CSMD3: variants seen among roughly 807,000 people sequenced by gnomAD.
CSMD3 encodes CUB and Sushi multiple domains 3.
Under a neutral mutation model 435.2 loss-of-function variants are expected in CSMD3, and 177 were observed. The ratio of observed to expected loss-of-function variants is 0.41; its 90% CI spans 0.36 to 0.46. CSMD3 has a LOEUF of 0.46. CSMD3 is among the 20% of genes least tolerant of loss of function. The pLI is 0.34. For missense variants in CSMD3, 4,265 were observed against 4,504.6 expected, an observed-to-expected ratio of 0.95 and a Z score of 1.52; for synonymous variants, 1,656 against 1,520.5, an observed-to-expected ratio of 1.09 and a Z score of -2.07.
At chr8:112,703,666 C>G (rs1375560146) in intron 13 of CSMD3, among the ~76,000 whole-genome samples, 1 of 152,114 alleles carries the variant, frequency 6.6e-6, no homozygotes, top group East Asian at 1.9e-4. Context: ...ATCTGTAAAA[C>G]TTGCAGTTTT....
rs546210959 is a variant in CSMD3 at position 113,040,040 on chromosome 8, T to C, written c.918-20861A>G. 2.0e-5 allele frequency among the ~76,000 whole-genome samples: 3 copies of C among 152,234 alleles called. No homozygotes were observed. In the South Asian group the frequency reaches 6.2e-4, roughly 32 times the overall value. ...AAGTACACAGCATGCCAGGTAGTGA[T>C]AAGCTCTACAAATGAAACTAAGTGG... is the stretch of plus-strand genomic sequence containing the variant. On this transcript the variant is annotated intron_variant, in intron 5 of 70. Coordinates refer to ENST00000297405, the MANE Select transcript of CSMD3 (RefSeq NM_198123.2).
chr8:113,359,055 A>T (rs1053114815), intron 1 of CSMD3, among the ~76,000 whole-genome samples: 3 of 151,950 alleles, frequency 2.0e-5, no homozygotes, highest in African/African-American at 7.2e-5. Flanking sequence ...GTAAAAAAAA[A>T]ATCTGTGAAT....
At chr8:113,273,000 G>T (rs2093541398) in intron 3 of CSMD3, among the ~76,000 whole-genome samples, 1 of 152,006 alleles carries the variant, frequency 6.6e-6, no homozygotes, top group Admixed American at 6.6e-5. Context: ...AATAACTAGT[G>T]AAGTGAATTT....
chr8:112,647,034 G>T (rs1024851962), intron 19 of CSMD3, among the ~76,000 whole-genome samples: 4 of 152,042 alleles, frequency 2.6e-5, no homozygotes, highest in Non-Finnish European at 5.9e-5. Context: ...TGAGAAAAAT[G>T]CTGTAATTAT....
At chr8:113,019,809 C>A (rs1160010984) in intron 5 of CSMD3, among the ~76,000 whole-genome samples, 1 of 152,004 alleles carries the variant, frequency 6.6e-6, no homozygotes, top group African/African-American at 2.4e-5. Context: ...TTTCATAGAA[C>A]AAGCATTGCT....
In CSMD3 at chr8:112,306,286, C is replaced by T. The variant is rs374287267; in HGVS notation, c.7886-94G>A. 1.2e-4 allele frequency: 110 copies of T among 896,184 alleles called. 1 individual carries two copies. The highest frequency in any genetic ancestry group is 1.1e-3 in the East Asian group (41 of 38,228). The allele number at this position is 896,184 out of a possible 1,614,324, so 55.5% of individuals were successfully genotyped here. A position where few individuals can be genotyped will look rare whatever the true frequency, so the allele number is the denominator to read the frequency against. On this transcript the variant is annotated intron_variant, in intron 50 of 70. Transcript: ENST00000297405. Reference sequence around the variant, plus strand: ...TGAACTGTAAAACATGCAAAACTAACGGGGATTTTTATCAATTCCTCTGAA... The same window carrying T: ...TGAACTGTAAAACATGCAAAACTAATGGGGATTTTTATCAATTCCTCTGAA...
chr8:112,985,828 C>T (rs1172077031), intron 6 of CSMD3, among the ~76,000 whole-genome samples: 1 of 152,100 alleles, frequency 6.6e-6, no homozygotes, highest in Non-Finnish European at 1.5e-5. Flanking sequence ...ATGGGACCAC[C>T]TCATTGCAAG....
intron 3 of CSMD3, among the ~76,000 whole-genome samples, chr8:113,210,791 C>T (rs2092825476): frequency 6.6e-6 from 1 of 151,878 alleles, no homozygotes; most frequent in African/African-American, 2.4e-5. Flanking sequence ...GCAGGAGAAT[C>T]ACTTGGACCC....
At chr8:113,146,479 C>A (rs1400441264) in intron 4 of CSMD3, among the ~76,000 whole-genome samples, 1 of 151,428 alleles carries the variant, frequency 6.6e-6, no homozygotes, top group Non-Finnish European at 1.5e-5. Flanking sequence ...TTTTAAAAGC[C>A]TAACTGGAAT....
At chr8:112,382,910 G>A (rs891148218) in intron 37 of CSMD3, among the ~76,000 whole-genome samples, 1 of 152,166 alleles carries the variant, frequency 6.6e-6, no homozygotes, top group Non-Finnish European at 1.5e-5. Context: ...AGAATCGCTT[G>A]GACCCAGGAG....
chr8:112,454,391 T>C (rs1389246023), intron 32 of CSMD3, among the ~76,000 whole-genome samples: 3 of 152,094 alleles, frequency 2.0e-5, no homozygotes, highest in Non-Finnish European at 4.4e-5. Context: ...ACTCATAATC[T>C]ATAAGGAAAT....
chr8:112,527,641 T>A (rs978650995), intron 27 of CSMD3, among the ~76,000 whole-genome samples: 26 of 151,932 alleles, frequency 1.7e-4, no homozygotes, highest in Non-Finnish European at 2.1e-4. Flanking sequence ...GTATTTTTTT[T>A]AAAAAAACAT....
intron 23 of CSMD3, among the ~76,000 whole-genome samples, chr8:112,586,297 A>G (rs1563734660): frequency 6.6e-6 from 1 of 151,546 alleles, no homozygotes; most frequent in African/African-American, 2.4e-5. Flanking sequence ...AAACTTAACA[A>G]TTAGAAAAAA....
chr8:112,373,472 T>G (rs1227855380), intron 38 of CSMD3, among the ~76,000 whole-genome samples: 1 of 152,062 alleles, frequency 6.6e-6, no homozygotes, highest in Non-Finnish European at 1.5e-5. Context: ...ACCCAGTTGT[T>G]TAAGTATTTT....
intron 13 of CSMD3, among the ~76,000 whole-genome samples, chr8:112,703,550 C>G (rs1357730122): frequency 6.6e-6 from 1 of 152,074 alleles, no homozygotes; most frequent in Non-Finnish European, 1.5e-5. Flanking sequence ...TAACATCTGG[C>G]CTTAAAGTGA....
intron 13 of CSMD3, among the ~76,000 whole-genome samples, chr8:112,735,606 A>G (rs1563909304): frequency 6.6e-6 from 1 of 152,080 alleles, no homozygotes; most frequent in African/African-American, 2.4e-5. Flanking sequence ...CAGGTGAAAG[A>G]GAGGACAAAT....
At chr8:112,772,360 T>A (rs964524516) in intron 13 of CSMD3, among the ~76,000 whole-genome samples, 1 of 152,082 alleles carries the variant, frequency 6.6e-6, no homozygotes, top group Non-Finnish European at 1.5e-5. Context: ...TTAAATCGAT[T>A]AAGGGCTGTG....
chr8:112,578,077 A>G (rs1037628189), intron 23 of CSMD3, among the ~76,000 whole-genome samples: 2 of 152,098 alleles, frequency 1.3e-5, no homozygotes, highest in Non-Finnish European at 2.9e-5. Context: ...TTTTCTAAAA[A>G]GGTGAATTAG....
chr8:112,462,650 A>G (rs1817565561), intron 32 of CSMD3, among the ~76,000 whole-genome samples: 1 of 151,082 alleles, frequency 6.6e-6, no homozygotes. Flanking sequence ...GAAAGATAAT[A>G]TAATAACAAC....
Sources: gnomAD v4.1 joint callset for allele counts (sites outside exome capture counted in the v4.1 genomes callset) on GRCh38, gnomAD v4.1.1 for gene constraint, MANE v1.5 for transcripts, NCBI Gene and HGNC (gene_info 2026-07-23, HGNC 2026-07-21) for gene names.